The following AKAP13 variants were observed in gnomAD, a reference collection of about 807,000 sequenced individuals.
AKAP13 encodes the protein A-kinase anchor protein 13.
In AKAP13, 80 loss-of-function variants were observed where a neutral mutation model predicts 264.5. That is an observed-to-expected ratio of 0.30 (90% CI 0.25 to 0.36). The LOEUF is 0.36. Ranked by LOEUF, AKAP13 falls within the 10% of genes least tolerant of loss-of-function variation. The pLI is 1.00. For synonymous variants in AKAP13, 1,380 were observed against 1,250.2 expected (o/e 1.10, Z -2.19); for missense variants, 3,712 against 3,435.2 (o/e 1.08, Z -2.01).
rs1179608516 is a variant in AKAP13 at position 85,415,323 on chromosome 15, C to T, written c.-12+34525C>T. 2.2e-5 allele frequency: 34 copies of T among 1,575,032 alleles called. No homozygotes were observed. In the East Asian group the frequency reaches 5.4e-4, roughly 25 times the overall value. On this transcript the variant is annotated intron_variant, in intron 1 of 36. Transcript: ENST00000394518. ...GGAGCTAGGAGTGGGAATAGCTTTG[C>T]GAAAAATGGACACAATAGCCAAGCC... is the stretch of plus-strand genomic sequence containing the variant.
intron 16 of AKAP13, among the ~76,000 whole-genome samples, chr15:85,688,911 C>T (rs1278378667): frequency 1.3e-5 from 2 of 152,164 alleles, no homozygotes; most frequent in African/African-American, 4.8e-5. Flanking sequence ...GTGCTGTTTC[C>T]TGCTAAGTAA....
At chr15:85,542,515 A>C (rs1211065472) in intron 4 of AKAP13, among the ~76,000 whole-genome samples, 1 of 152,216 alleles carries the variant, frequency 6.6e-6, no homozygotes, top group Non-Finnish European at 1.5e-5. Flanking sequence ...GTAAGGAGAA[A>C]ACCACTGGGG....
rs1567126535 is a variant in AKAP13, at chr15:85,562,577, ATATATAT to A, written c.663-12553_663-12547del. ...GAGAATCTGCCTCAAAAAAAAAAATATATATATATATATATATATATATATATATCTC... is the reference window on the plus strand; with the variant it reads ...GAGAATCTGCCTCAAAAAAAAAAATAATATATATATATATATATATATCTC... On this transcript the variant is annotated intron_variant, in intron 5 of 36. Coordinates refer to ENST00000394518, the MANE Select transcript of AKAP13 (RefSeq NM_007200.5). Among the ~76,000 whole-genome samples the A allele has an allele frequency of 1.6e-4, 11 of 70,046 alleles. 1 individual carries two copies. Among genetic ancestry groups the A allele is most frequent in the African/African-American group, 4.9e-4 (10 of 20,442 alleles). 46.0% of individuals were successfully genotyped at this position (70,046 alleles called of 152,430 possible).
rs1045479538 is a variant in AKAP13 at position 85,746,325 on chromosome 15, G to A, written c.*1648G>A. On this transcript the variant is annotated 3_prime_UTR_variant, in exon 37 of 37. Coordinates refer to ENST00000394518, the MANE Select transcript of AKAP13 (RefSeq NM_007200.5). The stretch of plus-strand genomic sequence containing the variant: ...TGTGTTTGTGTTTGTTTTTTTTTAA[G>A]GGTGAGCCAGGTCTAGCCCAACAGT... 1 of 151,852 alleles carries A rather than the reference G, an allele frequency of 6.6e-6. No homozygotes were observed. The highest frequency in any genetic ancestry group is 1.5e-5 in the Non-Finnish European group (1 of 68,000). The allele number at this position is 151,852 out of a possible 1,614,324, so 9.4% of individuals were successfully genotyped here. A position where few individuals can be genotyped will look rare whatever the true frequency, so the allele number is the denominator to read the frequency against.
chr15:85,661,414 CT>C lies in AKAP13; in HGVS notation c.4799+2832del, dbSNP rs577514366. Among the ~76,000 whole-genome samples the C allele has an allele frequency of 3.8e-3, 579 of 151,924 alleles. 3 individuals are homozygous for C. Among genetic ancestry groups the C allele is most frequent in the Non-Finnish European group, 5.8e-3 (393 of 67,934 alleles). On this transcript the variant is annotated intron_variant, in intron 12 of 36. Coordinates refer to ENST00000394518, the MANE Select transcript of AKAP13 (RefSeq NM_007200.5). ...TTTCTAACTCAGTGCCATAGAATTC[CT>C]TTTTTTTAAATTTTTATTATCAGCC...
In AKAP13 at chr15:85,495,440, A is replaced by G. The variant is rs539879284; in HGVS notation, c.33+9687A>G. Among the ~76,000 whole-genome samples, 54 of 152,252 alleles carry G rather than the reference A, an allele frequency of 3.5e-4. No individual in the cohort carries two copies. In the South Asian group the frequency reaches 0.011, roughly 30 times the overall value. On this transcript the variant is annotated intron_variant, in intron 2 of 36. Transcript: ENST00000394518. ...AACGACTATAAGAACACATTTCAAGAGGAGAAATTTGGGGTGCATATCTCA... is the reference window on the plus strand; with the variant it reads ...AACGACTATAAGAACACATTTCAAGGGGAGAAATTTGGGGTGCATATCTCA...
In AKAP13 at chr15:85,655,563, C is replaced by T. The variant is rs1329829829; in HGVS notation, c.4521C>T (p.Ser1507=). 6.2e-7 allele frequency: 1 copy of T among 1,614,164 alleles called. No homozygotes were observed. The highest frequency in any genetic ancestry group is 1.7e-5 in the Admixed American group (1 of 60,014). ...CAAACAGGTCAAGAGATCGGCAAAG[C>T]CTTGATGGATTCTACAGCCATGGGA... ...LKPNRSRDRQ[S]LDGFYSHGMG... is the part of the protein sequence containing the mutation. The change falls in exon 11 of 37, where the codon AGC becomes AGT. Residue 1507 remains serine (S), a synonymous_variant. Coordinates refer to ENST00000394518, the MANE Select transcript of AKAP13 (RefSeq NM_007200.5).
At position 85,732,040 on chromosome 15, in the gene AKAP13, A is replaced by G. The variant is rs946311939; in HGVS notation, c.7282+1333A>G. On this transcript the variant is annotated intron_variant, in intron 30 of 36. Coordinates refer to ENST00000394518, the MANE Select transcript of AKAP13 (RefSeq NM_007200.5). Reference sequence around the variant, plus strand: ...AGAGGTTGTAGTGAGCTGAGATCGTATCACTGCCCTCCAGATTGGGCAACA... The same window carrying G: ...AGAGGTTGTAGTGAGCTGAGATCGTGTCACTGCCCTCCAGATTGGGCAACA... Among the ~76,000 whole-genome samples, 12 of 149,872 alleles carry G rather than the reference A, an allele frequency of 8.0e-5. No homozygotes were observed. The South Asian group carries it at 2.5e-3, about 32-fold the overall frequency.
intron 13 of AKAP13, 49 bp downstream of exon 13, chr15:85,664,804 T>C (rs1356753793): frequency 1.9e-6 from 3 of 1,558,548 alleles, no homozygotes; most frequent in South Asian, 2.4e-5. Context: ...TCACAAAATA[T>C]GAACATAGAA....
chr15:85,417,401 C>T (rs986497044), intron 1 of AKAP13, among the ~76,000 whole-genome samples: 20 of 152,070 alleles, frequency 1.3e-4, no homozygotes, highest in Non-Finnish European at 2.1e-4. Flanking sequence ...ATCGAAATAG[C>T]GTATGAGCAA....
chr15:85,561,760 T>G (rs1331060423), intron 5 of AKAP13, among the ~76,000 whole-genome samples: 1 of 152,128 alleles, frequency 6.6e-6, no homozygotes, highest in African/African-American at 2.4e-5. Flanking sequence ...TATGGACTCA[T>G]TGAGAAAGGG....
At chr15:85,543,297 C>T (rs894843666) in intron 4 of AKAP13, among the ~76,000 whole-genome samples, 1 of 152,184 alleles carries the variant, frequency 6.6e-6, no homozygotes, top group Non-Finnish European at 1.5e-5. Context: ...TAGCCAACTC[C>T]TGTCTGGGTG....
chr15:85,692,854 T>A lies in AKAP13; in HGVS notation c.5290-423T>A, dbSNP rs140710718. Among the ~76,000 whole-genome samples, 107 of 152,330 alleles carry A rather than the reference T, an allele frequency of 7.0e-4. 1 individual carries two copies. The highest frequency in any genetic ancestry group is 2.5e-3 in the African/African-American group (102 of 41,564). On this transcript the variant is annotated intron_variant, in intron 16 of 36. Coordinates refer to ENST00000394518, the MANE Select transcript of AKAP13 (RefSeq NM_007200.5). The stretch of plus-strand genomic sequence containing the variant: ...CCAGGCATCTTTTTTTCCCTCAGGC[T>A]GATCCCAGAATTGCTGCCACCCTTT...
intron 1 of AKAP13, among the ~76,000 whole-genome samples, chr15:85,420,919 C>T (rs955539007): frequency 1.3e-5 from 2 of 151,738 alleles, no homozygotes. Flanking sequence ...CCGTGTCTCT[C>T]TAAAAAAAAA....
At chr15:85,566,005 G>A (rs141600977) in intron 5 of AKAP13, among the ~76,000 whole-genome samples, 2 of 152,314 alleles carry the variant, frequency 1.3e-5, no homozygotes, top group African/African-American at 4.8e-5. Context: ...CATACTTTGG[G>A]AACATAGGTG....
chr15:85,580,570 G>A lies in AKAP13; in HGVS notation c.2502G>A (p.Glu834=), dbSNP rs780591386. The part of the protein sequence containing the change: ...YRDGPDGNSN[E]PDTRPLEDRA... ...ATGGCCCAGATGGAAATTCGAATGA[G>A]CCTGATACGCGGCCACTAGAAGACA... The change falls in exon 7 of 37, where the codon GAG becomes GAA. Residue 834 remains glutamate, a synonymous_variant. Coordinates refer to ENST00000394518, the MANE Select transcript of AKAP13 (RefSeq NM_007200.5). The A allele has an allele frequency of 3.7e-6, 6 of 1,614,082 alleles. No homozygotes were observed. In the Admixed American group the frequency reaches 1.0e-4, roughly 27 times the overall value.
intron 8 of AKAP13, among the ~76,000 whole-genome samples, chr15:85,623,839 G>A (rs1376360668): frequency 6.6e-6 from 1 of 152,212 alleles, no homozygotes; most frequent in Non-Finnish European, 1.5e-5. Context: ...ACAGTATGTG[G>A]TTGGTAACTA....
intron 26 of AKAP13, among the ~76,000 whole-genome samples, chr15:85,725,266 C>G (rs2087546951): frequency 6.6e-6 from 1 of 151,868 alleles, no homozygotes; most frequent in African/African-American, 2.4e-5. Context: ...CAAGAACAGC[C>G]AGTACTATGT....
At chr15:85,488,875 T>G (rs1270036671) in intron 2 of AKAP13, among the ~76,000 whole-genome samples, 1 of 152,222 alleles carries the variant, frequency 6.6e-6, no homozygotes, top group Admixed American at 6.5e-5. Flanking sequence ...ATAATAAATT[T>G]ATGTTGTCTT....
Sources: allele counts gnomAD v4.1 joint callset (sites outside exome capture counted in the v4.1 genomes callset), GRCh38; gene constraint gnomAD v4.1.1; transcripts MANE v1.5; gene names NCBI Gene and HGNC (gene_info 2026-07-23, HGNC 2026-07-21).